The following SHC3 variants were observed in gnomAD, a reference collection of about 807,000 sequenced individuals.
The protein encoded by SHC3 is SHC adaptor protein 3, also known as SHC-transforming protein 3.
SHC3 carries 15 observed loss-of-function variants against 60.4 expected under a neutral mutation model. The ratio of observed to expected loss-of-function variants is 0.25; its 90% CI spans 0.17 to 0.38. The LOEUF is 0.38. SHC3 is among the 10% of genes least tolerant of loss of function. The probability of loss-of-function intolerance (pLI) is 1.00; values close to 1 mark genes in which losing one functional copy is unlikely to be tolerated. For synonymous variants in SHC3, 294 were observed against 325.9 expected (o/e 0.90, Z 1.05); for missense variants, 677 against 786.1 (o/e 0.86, Z 1.66).
chr9:89,094,157 C>T (rs995075909), intron 2 of SHC3, among the ~76,000 whole-genome samples: 1 of 149,590 alleles, frequency 6.7e-6, no homozygotes, highest in Non-Finnish European at 1.5e-5. Context: ...GAGACCTCAA[C>T]AAATTCATAT....
chr9:89,029,379 A>G (rs1824433016), intron 11 of SHC3, among the ~76,000 whole-genome samples: 1 of 152,136 alleles, frequency 6.6e-6, no homozygotes, highest in South Asian at 2.1e-4. Context: ...AAAATTAAAA[A>G]TTTATAGAAA....
chr9:89,108,694 C>A (rs756758283), intron 2 of SHC3, among the ~76,000 whole-genome samples: 2 of 152,124 alleles, frequency 1.3e-5, no homozygotes, highest in African/African-American at 2.4e-5. Context: ...GATTTCTTTA[C>A]CCTGCACCAG....
chr9:89,111,177 G>C (rs1031641519), intron 2 of SHC3, among the ~76,000 whole-genome samples: 114 of 152,132 alleles, frequency 7.5e-4, no homozygotes, highest in African/African-American at 2.7e-3. Context: ...AACTAAAATG[G>C]CATGAAATCA....
intron 1 of SHC3, among the ~76,000 whole-genome samples, chr9:89,116,126 T>C (rs1826015776): frequency 6.6e-6 from 1 of 152,186 alleles, no homozygotes; most frequent in Non-Finnish European, 1.5e-5. Context: ...ATGGGACTAT[T>C]ATGACAAATT....
chr9:89,112,407 T>C (rs1825961975), intron 2 of SHC3, 149 bp downstream of exon 2: 1 of 710,734 alleles, frequency 1.4e-6, no homozygotes, highest in Non-Finnish European at 2.3e-6. Context: ...CAAGCACATG[T>C]CTTGAGATGA....
intron 1 of SHC3, among the ~76,000 whole-genome samples, chr9:89,163,377 A>T (rs1826739624): frequency 1.3e-5 from 2 of 152,194 alleles, no homozygotes; most frequent in Non-Finnish European, 2.9e-5. Flanking sequence ...GGATTAACAA[A>T]ATGTGGCACA....
intron 1 of SHC3, among the ~76,000 whole-genome samples, chr9:89,176,020 ATGCC>A (rs1826937622): frequency 6.6e-6 from 1 of 152,180 alleles, no homozygotes; most frequent in African/African-American, 2.4e-5. Context: ...GCAGAGGACA[ATGCC>A]TGCGTTTATG....
At chr9:89,051,960 C>G in intron 7 of SHC3, 77 bp downstream of exon 7, 1 of 1,580,188 alleles carries the variant, frequency 6.3e-7, no homozygotes, top group Non-Finnish European at 8.6e-7. Flanking sequence ...CAGAACACAG[C>G]TCAGGGATGT....
At chr9:89,104,287 G>A (rs536219277) in intron 2 of SHC3, among the ~76,000 whole-genome samples, 4 of 152,320 alleles carry the variant, frequency 2.6e-5, no homozygotes, top group Admixed American at 2.6e-4. Flanking sequence ...TGGGGTACCT[G>A]GATGGGCAGC....
chr9:89,065,487 C>G (rs753983812), intron 6 of SHC3, 42 bp downstream of exon 6: 47 of 1,605,924 alleles, frequency 2.9e-5, no homozygotes, highest in Non-Finnish European at 4.0e-5. Flanking sequence ...TGAAGCCTGG[C>G]TGTACACAAA....
chr9:89,133,216 A>T (rs1241920055), intron 1 of SHC3, among the ~76,000 whole-genome samples: 5 of 152,212 alleles, frequency 3.3e-5, no homozygotes, highest in Non-Finnish European at 7.3e-5. Context: ...ATGAGATAAC[A>T]TCTCACACCA....
At chr9:89,086,447 G>A (rs1587718641) in intron 2 of SHC3, among the ~76,000 whole-genome samples, 2 of 152,224 alleles carry the variant, frequency 1.3e-5, no homozygotes, top group African/African-American at 2.4e-5. Context: ...GGATGCAGAT[G>A]AAGTAATGCA....
In SHC3 at chr9:89,073,863, G is replaced by A. The variant is rs1825312838; in HGVS notation, c.729+1246C>T. Among the ~76,000 whole-genome samples the A allele has an allele frequency of 2.0e-5, 3 of 152,204 alleles. No individual in the cohort carries two copies. In the South Asian group the frequency reaches 6.2e-4, roughly 32 times the overall value. On this transcript the variant is annotated intron_variant, in intron 4 of 11. Transcript: ENST00000375835. ...CGGGCATGAAGGAGAGTGCAGAGGT[G>A]AGCCCAGCCAACAAGCCTTCATGAA... is the stretch of plus-strand genomic sequence containing the variant.
chr9:89,031,615 G>A (rs1041848165), intron 11 of SHC3, among the ~76,000 whole-genome samples: 2 of 152,066 alleles, frequency 1.3e-5, no homozygotes, highest in African/African-American at 4.8e-5. Flanking sequence ...ATGGATATAC[G>A]ACATTTTACT....
intron 2 of SHC3, among the ~76,000 whole-genome samples, chr9:89,082,844 A>G (rs1031818075): frequency 6.6e-6 from 1 of 152,192 alleles, no homozygotes; most frequent in African/African-American, 2.4e-5. Flanking sequence ...CTTCAGCAGC[A>G]GGCGGCTCAC....
At chr9:89,022,658 A>C (rs1045268134) in intron 11 of SHC3, among the ~76,000 whole-genome samples, 1 of 152,198 alleles carries the variant, frequency 6.6e-6, no homozygotes, top group Non-Finnish European at 1.5e-5. Flanking sequence ...ATGTACAGCT[A>C]CTGCGCATGT....
intron 11 of SHC3, among the ~76,000 whole-genome samples, chr9:89,022,592 AAC>A (rs1826222116): frequency 6.6e-6 from 1 of 152,156 alleles, no homozygotes; most frequent in Non-Finnish European, 1.5e-5. Flanking sequence ...ATAGCAAAAA[AAC>A]ACAACCCTGG....
At chr9:89,046,582 T>A (rs1255570286) in intron 8 of SHC3, among the ~76,000 whole-genome samples, 1 of 152,156 alleles carries the variant, frequency 6.6e-6, no homozygotes, top group East Asian at 1.9e-4. Flanking sequence ...ATGGAATATG[T>A]CTGAGGGTAC....
At chr9:89,098,179 C>T (rs1183499553) in intron 2 of SHC3, among the ~76,000 whole-genome samples, 1 of 151,976 alleles carries the variant, frequency 6.6e-6, no homozygotes, top group East Asian at 1.9e-4. Flanking sequence ...CATGCACTCT[C>T]AAAAAATGTC....
Sources: allele counts gnomAD v4.1 joint callset (sites outside exome capture counted in the v4.1 genomes callset), GRCh38; gene constraint gnomAD v4.1.1; transcripts MANE v1.5; gene names NCBI Gene and HGNC (gene_info 2026-07-23, HGNC 2026-07-21).